SPEF2: variants seen among roughly 807,000 people sequenced by gnomAD.
SPEF2 encodes sperm flagella and cilia-associated protein 2.
In SPEF2, 187 loss-of-function variants were observed where a neutral mutation model predicts 224.6. The ratio of observed to expected loss-of-function variants is 0.83; its 90% CI spans 0.74 to 0.94. SPEF2 has a LOEUF of 0.94. Ranked by LOEUF, SPEF2 falls within the 40% of genes least tolerant of loss-of-function variation. SPEF2 has a pLI of 0.00. For synonymous variants in SPEF2, 715 were observed against 707.3 expected, an observed-to-expected ratio of 1.01 and a Z score of -0.17; for missense variants, 2,170 against 2,135.6, an observed-to-expected ratio of 1.02 and a Z score of -0.32.
chr5:35,645,580 T>TA (rs1189056704), intron 4 of SPEF2, among the ~76,000 whole-genome samples: 1 of 152,160 alleles, frequency 6.6e-6, no homozygotes, highest in Non-Finnish European at 1.5e-5. Context: ...CCTTTGGTGT[T>TA]ACATGATAAA....
At chr5:35,756,993 T>C (rs1215523505) in intron 24 of SPEF2, among the ~76,000 whole-genome samples, 1 of 145,564 alleles carries the variant, frequency 6.9e-6, no homozygotes, top group Non-Finnish European at 1.6e-5. Flanking sequence ...CTATGCTAGA[T>C]GATTTTCTAA....
intron 26 of SPEF2, chr5:35,764,484 G>A: frequency 2.3e-6 from 1 of 439,390 alleles, no homozygotes; most frequent in South Asian, 1.6e-5. Context: ...CCACACCATG[G>A]GGAAGATACA....
chr5:35,649,940 C>T (rs937700850), intron 6 of SPEF2, among the ~76,000 whole-genome samples: 8 of 152,186 alleles, frequency 5.3e-5, no homozygotes, highest in African/African-American at 1.9e-4. Context: ...AAAGCTCCTT[C>T]ACACTTTGTT....
chr5:35,623,161 T>A (rs1743762290), intron 1 of SPEF2, among the ~76,000 whole-genome samples: 1 of 152,010 alleles, frequency 6.6e-6, no homozygotes, highest in South Asian at 2.1e-4. Flanking sequence ...TTGAGGAGGG[T>A]TCCAGGAAGT....
Position 35,691,302 on chromosome 5 carries a change from A to G in SPEF2, c.1744+46A>G, listed in dbSNP as rs756274221. ...CTCCCTGCCATTAGGTCCTATTTAC[A>G]CTGACTGTAGCTGCAAATGTCTATG... On this transcript the variant is annotated intron_variant, in intron 11 of 36. Coordinates refer to ENST00000356031, the MANE Select transcript of SPEF2 (RefSeq NM_024867.4). 9 of 1,457,024 alleles carry G rather than the reference A, an allele frequency of 6.2e-6. No individual in the cohort carries two copies. In the South Asian group the frequency reaches 7.0e-5, roughly 11 times the overall value. 90.3% of individuals were successfully genotyped at this position (1,457,024 alleles called of 1,614,324 possible). A position where few individuals can be genotyped will look rare whatever the true frequency, so the allele number is the denominator to read the frequency against.
intron 6 of SPEF2, among the ~76,000 whole-genome samples, chr5:35,653,685 G>A (rs1465967386): frequency 3.9e-5 from 6 of 152,128 alleles, no homozygotes; most frequent in African/African-American, 7.2e-5. Flanking sequence ...AGTGACTCAC[G>A]CCTGTAATCC....
chr5:35,632,614 T>C (rs1248649607), intron 2 of SPEF2, among the ~76,000 whole-genome samples: 2 of 152,160 alleles, frequency 1.3e-5, no homozygotes, highest in Non-Finnish European at 2.9e-5. Flanking sequence ...TTATTTTGGG[T>C]TTAGTTTTCT....
At chr5:35,707,566 A>G (rs1377561732) in intron 18 of SPEF2, among the ~76,000 whole-genome samples, 1 of 152,206 alleles carries the variant, frequency 6.6e-6, no homozygotes, top group South Asian at 2.1e-4. Context: ...AACATAGGCA[A>G]TCGTCGCCAG....
intron 23 of SPEF2, among the ~76,000 whole-genome samples, chr5:35,752,412 C>T (rs920456105): frequency 2.5e-4 from 38 of 152,058 alleles, no homozygotes; most frequent in Admixed American, 2.3e-3. Context: ...TCTTAGCCTC[C>T]TGAGTAGCTG....
chr5:35,761,359 T>C (rs574165018), intron 25 of SPEF2, among the ~76,000 whole-genome samples: 1 of 152,354 alleles, frequency 6.6e-6, no homozygotes, highest in Admixed American at 6.5e-5. Flanking sequence ...AAGCATTTAG[T>C]ACCATATTGT....
intron 20 of SPEF2, among the ~76,000 whole-genome samples, chr5:35,719,628 CT>C (rs375651496): frequency 0.03 from 4,352 of 146,406 alleles, 215 homozygotes; most frequent in African/African-American, 0.1. Context: ...GCATTAGTGA[CT>C]TTTTTTTTTT....
At chr5:35,812,880 C>T (rs1306502550) in intron 36 of SPEF2, among the ~76,000 whole-genome samples, 1 of 152,178 alleles carries the variant, frequency 6.6e-6, no homozygotes, top group African/African-American at 2.4e-5. Context: ...AAAATATTCT[C>T]TAAGCTTCTC....
chr5:35,806,219 T>G (rs1156321167), intron 34 of SPEF2, among the ~76,000 whole-genome samples: 2 of 152,236 alleles, frequency 1.3e-5, no homozygotes, highest in African/African-American at 2.4e-5. Context: ...AACCTGATTT[T>G]GTACACTGGA....
At chr5:35,765,027 T>C (rs933031320) in intron 26 of SPEF2, among the ~76,000 whole-genome samples, 1 of 152,180 alleles carries the variant, frequency 6.6e-6, no homozygotes, top group Admixed American at 6.5e-5. Flanking sequence ...GGGCTGCACC[T>C]ACCTAGTCAT....
chr5:35,792,606 C>T (rs1756118429), intron 31 of SPEF2, among the ~76,000 whole-genome samples, 160 bp downstream of exon 31: 1 of 152,150 alleles, frequency 6.6e-6, no homozygotes, highest in Admixed American at 6.5e-5. Flanking sequence ...CCAATTAAAA[C>T]ATATAATATG....
rs1231467535 is a variant in SPEF2, at chr5:35,807,326, G to A, written c.5379+73G>A. 8.5e-6 allele frequency: 13 copies of A among 1,534,076 alleles called. No individual in the cohort carries two copies. The East Asian group carries it at 2.9e-4, about 35-fold the overall frequency. On this transcript the variant is annotated intron_variant, in intron 36 of 36. Coordinates refer to ENST00000356031, the MANE Select transcript of SPEF2 (RefSeq NM_024867.4). The stretch of plus-strand genomic sequence containing the variant: ...GACATGCTAGGATGTTTCTAAATGT[G>A]AGCTGGCATGGAAGAGAAAGAAGCT...
Position 35,740,252 on chromosome 5 carries a change from A to G in SPEF2, c.3315A>G (p.Leu1105=), listed in dbSNP as rs1561289190. Residue 1105 remains leucine, a synonymous_variant, in exon 23 of 37, where the codon CTA becomes CTG. Coordinates refer to ENST00000356031, the MANE Select transcript of SPEF2 (RefSeq NM_024867.4). ...ATGATGAGGAAACAAAGGCTGAACT[A>G]CATCAACGAGTGAATGTAAGGAAAT... ...LWDDEETKAE[L]HQRVNDLRDR... is the part of the protein sequence containing the mutation. 1 of 1,614,132 alleles carries G rather than the reference A, an allele frequency of 6.2e-7. No individual in the cohort carries two copies. The highest frequency in any genetic ancestry group is 8.5e-7 in the Non-Finnish European group (1 of 1,180,012).
intron 21 of SPEF2, 65 bp downstream of exon 21, chr5:35,727,888 C>T (rs1744945268): frequency 6.5e-7 from 1 of 1,535,384 alleles, no homozygotes. Context: ...AAGATTCACA[C>T]TGTCATTTGC....
chr5:35,670,762 C>G, intron 10 of SPEF2: 9 of 985,014 alleles, frequency 9.1e-6, no homozygotes, highest in Non-Finnish European at 1.1e-5. Context: ...ATTAGACAGA[C>G]TAGAGCTACA....
Sources: gnomAD v4.1 joint callset for allele counts (sites outside exome capture counted in the v4.1 genomes callset) on GRCh38, gnomAD v4.1.1 for gene constraint, MANE v1.5 for transcripts, NCBI Gene and HGNC (gene_info 2026-07-23, HGNC 2026-07-21) for gene names.